The following POLR1C variants were observed in gnomAD, a reference collection of about 807,000 sequenced individuals.
The protein encoded by POLR1C is DNA-directed RNA polymerases I and III subunit RPAC1.
A neutral mutation model predicts 38.3 loss-of-function variants in POLR1C; 42 were observed. That is an observed-to-expected ratio of 1.10 (90% CI 0.86 to 1.42). POLR1C has a LOEUF of 1.42. POLR1C is among the 40% of genes most tolerant of loss of function. POLR1C has a pLI of 0.00. For missense variants in POLR1C, 507 were observed against 450.5 expected, an observed-to-expected ratio of 1.13 and a Z score of -1.14; for synonymous variants, 163 against 163.9, an observed-to-expected ratio of 0.99 and a Z score of 0.04.
At chr6:43,555,810 A>T (rs756979725) in intron 10 of POLR1C, 1 of 1,613,506 alleles carries the variant, frequency 6.2e-7, no homozygotes, top group Admixed American at 1.7e-5. Flanking sequence ...ACATTTCACT[A>T]ACATTCAGTA....
rs368486399 is a variant in POLR1C, at chr6:43,519,340, G to T, written c.149G>T (p.Arg50Leu). ...WDQDRFEKNF[R>L]VDVVHMDENS... ...TTTTTCCTGTCCCTCTAGAATTTCC[G>T]TGTGGATGTAGTACACATGGATGAA... is the stretch of plus-strand genomic sequence containing the variant. The change falls in exon 3 of 9, where the codon CGT (arginine) becomes CTT (leucine). Residue 50 changes from arginine to leucine, a missense_variant. By Grantham distance (102) the Arg-to-Leu change is moderately radical. Transcript: ENST00000642195. 6 of 1,602,710 alleles carry T rather than the reference G, an allele frequency of 3.7e-6. No individual in the cohort carries two copies. The highest frequency in any genetic ancestry group is 3.3e-5 in the Admixed American group (2 of 59,980).
At chr6:43,522,851 C>T (rs1793282802), downstream of POLR1C, 1 of 262,694 alleles carries the variant, frequency 3.8e-6, no homozygotes, top group Non-Finnish European at 8.8e-6. Flanking sequence ...CCTCTCTTTA[C>T]AGGGCCTTTC....
At chr6:43,561,046 G>GAAAAGCAGGAGAGGA in intron 10 of POLR1C, 1 of 1,510,284 alleles carries the variant, frequency 6.6e-7, no homozygotes. Flanking sequence ...TGTTGATCGA[G>GAAAAGCAGGAGAGGA]AAAAGCAGGA....
chr6:43,561,975 C>A lies in POLR1C; in HGVS notation c.*624C>A, dbSNP rs538913038. 5.7e-5 allele frequency: 16 copies of A among 280,604 alleles called. No individual in the cohort carries two copies. In the South Asian group the frequency reaches 7.6e-4, roughly 13 times the overall value. The allele number at this position is 280,604 out of a possible 1,614,324, so 17.4% of individuals were successfully genotyped here. ...TCAGCAGATTGAGGTTCTGTAAGTA[C>A]CAAAATTCACAAGAAACCAACGTTG... On this transcript the variant is annotated 3_prime_UTR_variant, in exon 11 of 11. Coordinates refer to the POLR1C transcript ENST00000607635.
At position 43,553,570 on chromosome 6, in the gene POLR1C, G is replaced by C; in HGVS notation, c.*48+2559G>C. 4.0e-6 allele frequency: 6 copies of C among 1,506,596 alleles called. No homozygotes were observed. In the South Asian group the frequency reaches 7.5e-5, roughly 19 times the overall value. 93.3% of individuals were successfully genotyped at this position (1,506,596 alleles called of 1,614,324 possible). A position where few individuals can be genotyped will look rare whatever the true frequency, so the allele number is the denominator to read the frequency against. On this transcript the variant is annotated intron_variant, in intron 10 of 10. Coordinates refer to the POLR1C transcript ENST00000607635. ...ACACAATTATCAGCATTGAAAGATC[G>C]CAGAAGACACAGAGAGACAATGGAG...
intron 9 of POLR1C, among the ~76,000 whole-genome samples, chr6:43,547,145 G>A (rs977690311): frequency 5.9e-5 from 9 of 152,152 alleles, no homozygotes; most frequent in African/African-American, 1.4e-4. Context: ...CCCCCCTCAC[G>A]GTACTCTGAA....
At chr6:43,545,796 T>C (rs1794938649) in intron 9 of POLR1C, among the ~76,000 whole-genome samples, 1 of 152,034 alleles carries the variant, frequency 6.6e-6, no homozygotes, top group South Asian at 2.1e-4. Flanking sequence ...AAAAAACCTA[T>C]CTTTTCATTT....
rs990366021 is a variant in POLR1C, at chr6:43,521,397, A to C, written c.*97A>C. Reference sequence around the variant, plus strand: ...GAGCCCAGTGTGACTAGGGATCCTGAGTTTTCTGGGACAATTCCAGCTTTA... The same window carrying C: ...GAGCCCAGTGTGACTAGGGATCCTGCGTTTTCTGGGACAATTCCAGCTTTA... On this transcript the variant is annotated 3_prime_UTR_variant, in exon 9 of 9. Coordinates refer to ENST00000642195, the MANE Select transcript of POLR1C (RefSeq NM_203290.4). 25 of 1,599,918 alleles carry C rather than the reference A, an allele frequency of 1.6e-5. No homozygotes were observed. The African/African-American group carries it at 3.1e-4, about 20-fold the overall frequency.
intron 9 of POLR1C, among the ~76,000 whole-genome samples, chr6:43,541,139 T>G (rs79410907): frequency 0.04 from 6,018 of 152,140 alleles, 382 homozygotes; most frequent in African/African-American, 0.13. Flanking sequence ...AGGTAGGGAT[T>G]GTTAATGGGT....
At chr6:43,525,771 C>A, downstream of POLR1C, 1 of 1,526,448 alleles carries the variant, frequency 6.6e-7, no homozygotes, top group South Asian at 1.2e-5. Context: ...CACCATAGAG[C>A]AAGAAAAGTA....
downstream of POLR1C, chr6:43,521,633 GGAGGCT>G (rs1793195851): frequency 2.6e-6 from 1 of 383,086 alleles, no homozygotes; most frequent in Admixed American, 4.2e-5. Context: ...GCAATTCTCA[GGAGGCT>G]GAGGCAAGAG....
At chr6:43,538,685 AT>A (rs1461778300) in intron 9 of POLR1C, 1 of 421,484 alleles carries the variant, frequency 2.4e-6, no homozygotes, top group East Asian at 4.0e-5. Context: ...TAGGCCTATA[AT>A]TTTCCTCTTT....
In POLR1C at chr6:43,527,451, A is replaced by G. The variant is rs567845831; in HGVS notation, c.923-1798A>G. 2.5e-4 allele frequency: 138 copies of G among 562,622 alleles called. 2 individuals are homozygous for G. In the South Asian group the frequency reaches 2.8e-3, roughly 12 times the overall value. 34.9% of individuals were successfully genotyped at this position (562,622 alleles called of 1,614,324 possible). A position where few individuals can be genotyped will look rare whatever the true frequency, so the allele number is the denominator to read the frequency against. ...ACTACGCCCAGCTAATTTTTGTATT[A>G]TTAGTAGAGACAGGGTTTCACCATG... On this transcript the variant is annotated intron_variant, in intron 8 of 8. Coordinates refer to the POLR1C transcript ENST00000304004.
intron 10 of POLR1C, among the ~76,000 whole-genome samples, chr6:43,556,888 G>C (rs1389864867): frequency 1.3e-5 from 2 of 152,166 alleles, no homozygotes. Flanking sequence ...AGCACTTTGG[G>C]ACGCCAAGGC....
intron 10 of POLR1C, chr6:43,553,358 G>A (rs753749923): frequency 6.2e-7 from 1 of 1,602,724 alleles, no homozygotes; most frequent in Non-Finnish European, 8.5e-7. Context: ...GTCAGCATGG[G>A]AAATAATTAC....
chr6:43,553,466 AC>A, intron 10 of POLR1C: 1 of 1,573,634 alleles, frequency 6.4e-7, no homozygotes, highest in South Asian at 1.2e-5. Flanking sequence ...AGAAGACGGA[AC>A]AGAGGCTTCC....
rs139846591 is a variant in POLR1C at position 43,557,685 on chromosome 6, G to A, written c.*49-3715G>A. On this transcript the variant is annotated intron_variant, in intron 10 of 10. Coordinates refer to the POLR1C transcript ENST00000607635. ...AATATAATCTAAAATTGATTGTGGTGATGGCTGCACAACTCTGTAAAAATA... is the reference window on the plus strand; with the variant it reads ...AATATAATCTAAAATTGATTGTGGTAATGGCTGCACAACTCTGTAAAAATA... Among the ~76,000 whole-genome samples, 176 of 148,978 alleles carry A rather than the reference G, an allele frequency of 1.2e-3. No individual in the cohort carries two copies. In the South Asian group the frequency reaches 0.015, roughly 13 times the overall value.
chr6:43,533,883 G>A (rs1161593959), downstream of POLR1C: 1 of 1,542,104 alleles, frequency 6.5e-7, no homozygotes, highest in East Asian at 2.4e-5. Flanking sequence ...TAAACCTTAG[G>A]AGAAAAAAGG....
At chr6:43,557,096 C>A (rs1489755563) in intron 10 of POLR1C, among the ~76,000 whole-genome samples, 10 of 144,432 alleles carry the variant, frequency 6.9e-5, no homozygotes, top group African/African-American at 2.4e-4. Flanking sequence ...TCATTGCACT[C>A]CAGCCTGGGC....
Sources: gnomAD v4.1 joint callset for allele counts (sites outside exome capture counted in the v4.1 genomes callset) on GRCh38, gnomAD v4.1.1 for gene constraint, MANE v1.5 for transcripts, NCBI Gene and HGNC (gene_info 2026-07-23, HGNC 2026-07-21) for gene names.